The following SPTBN1 variants were observed in gnomAD, a reference collection of about 807,000 sequenced individuals.
The protein encoded by SPTBN1 is spectrin beta chain, non-erythrocytic 1.
Under a neutral mutation model 266.4 loss-of-function variants are expected in SPTBN1, and 32 were observed. The ratio of observed to expected loss-of-function variants is 0.12; its 90% CI spans 0.09 to 0.16. The LOEUF is 0.16. SPTBN1 is among the 10% of genes least tolerant of loss of function. The pLI is 1.00. For synonymous variants in SPTBN1, 1,336 were observed against 1,162.2 expected (o/e 1.15, Z -3.04); for missense variants, 2,296 against 3,067.1 (o/e 0.75, Z 5.94).
intron 34 of SPTBN1, among the ~76,000 whole-genome samples, chr2:54,666,549 G>C (rs1681381043): frequency 6.6e-6 from 1 of 152,184 alleles, no homozygotes; most frequent in Non-Finnish European, 1.5e-5. Context: ...GGTGGGGCCT[G>C]GGACCCTGTC....
At chr2:54,525,667 A>G (rs1670762514) in intron 1 of SPTBN1, among the ~76,000 whole-genome samples, 1 of 152,294 alleles carries the variant, frequency 6.6e-6, no homozygotes, top group African/African-American at 2.4e-5. Flanking sequence ...ATGGTGATAC[A>G]CAATGGGAAT....
intron 1 of SPTBN1, among the ~76,000 whole-genome samples, chr2:54,515,164 C>G (rs1670050659): frequency 6.6e-6 from 1 of 152,148 alleles, no homozygotes; most frequent in Non-Finnish European, 1.5e-5. Flanking sequence ...CCACCCAGGA[C>G]TGACTCAATG....
At chr2:54,494,701 A>AGATC (rs1159356076) in intron 1 of SPTBN1, among the ~76,000 whole-genome samples, 2 of 152,218 alleles carry the variant, frequency 1.3e-5, no homozygotes, top group Non-Finnish European at 2.9e-5. Context: ...GACAGAAAGC[A>AGATC]GATCCATGGT....
chr2:54,662,024 G>A (rs147639441), intron 32 of SPTBN1: 329 of 985,348 alleles, frequency 3.3e-4, no homozygotes, highest in East Asian at 1.1e-3. Flanking sequence ...GCATTGCTTC[G>A]TGCACTTTGA....
At chr2:54,543,944 C>T (rs1416539757) in intron 2 of SPTBN1, among the ~76,000 whole-genome samples, 2 of 152,072 alleles carry the variant, frequency 1.3e-5, no homozygotes, top group African/African-American at 4.8e-5. Flanking sequence ...GGTTATTTAG[C>T]TTTAGTGCTC....
intron 1 of SPTBN1, among the ~76,000 whole-genome samples, chr2:54,457,507 G>A (rs1693119871): frequency 6.6e-6 from 1 of 152,226 alleles, no homozygotes. Flanking sequence ...GACAGGGTGC[G>A]TGTGGGGGTG....
intron 1 of SPTBN1, among the ~76,000 whole-genome samples, chr2:54,484,616 A>G (rs2103959690): frequency 6.6e-6 from 1 of 152,308 alleles, no homozygotes; most frequent in Non-Finnish European, 1.5e-5. Flanking sequence ...CCATCCTGGT[A>G]ACTCTTCAGG....
rs112057257 is a variant in SPTBN1, at chr2:54,549,974, G to A, written c.148+23408G>A. ...TTTGCCCATGCCATCTCAGTAGCCT[G>A]AGCATGGGAATGCCATCCTGGTCAT... On this transcript the variant is annotated intron_variant, in intron 2 of 35. Transcript: ENST00000356805. 1.2e-3 allele frequency among the ~76,000 whole-genome samples: 186 copies of A among 152,290 alleles called. 2 individuals carry two copies. The highest frequency in any genetic ancestry group is 3.9e-3 in the African/African-American group (161 of 41,548).
At chr2:54,550,902 C>T (rs1428525379) in intron 2 of SPTBN1, among the ~76,000 whole-genome samples, 3 of 152,172 alleles carry the variant, frequency 2.0e-5, no homozygotes, top group Non-Finnish European at 4.4e-5. Context: ...TTGACTTGGG[C>T]TCTCTGTAGG....
intron 2 of SPTBN1, among the ~76,000 whole-genome samples, chr2:54,588,073 T>C (rs1486059390): frequency 2.0e-5 from 3 of 152,208 alleles, no homozygotes; most frequent in African/African-American, 7.2e-5. Flanking sequence ...AACAGTATTA[T>C]TATATTGAAA....
chr2:54,651,261 T>G (rs1057398049), intron 26 of SPTBN1, among the ~76,000 whole-genome samples: 2 of 152,208 alleles, frequency 1.3e-5, no homozygotes, highest in Non-Finnish European at 2.9e-5. Flanking sequence ...ATTAAATCCC[T>G]TCACCTCATT....
intron 24 of SPTBN1, among the ~76,000 whole-genome samples, chr2:54,647,720 A>G (rs934493323): frequency 2.0e-5 from 3 of 152,186 alleles, no homozygotes; most frequent in Non-Finnish European, 4.4e-5. Flanking sequence ...ACACGTCTGT[A>G]CTACTCAGCT....
At chr2:54,612,080 C>T in intron 3 of SPTBN1, 81 bp from the exon 4 acceptor site, 5 of 1,347,784 alleles carry the variant, frequency 3.7e-6, no homozygotes, top group Non-Finnish European at 5.1e-6. Context: ...CATGAATGGG[C>T]ACATGTGACT....
At chr2:54,486,591 A>C (rs147202248) in intron 1 of SPTBN1, among the ~76,000 whole-genome samples, 2,133 of 152,282 alleles carry the variant, frequency 0.014, 53 homozygotes, top group African/African-American at 0.049. Flanking sequence ...TGTGGAAGGC[A>C]GCAGGGTCCT....
intron 1 of SPTBN1, among the ~76,000 whole-genome samples, chr2:54,488,789 A>T (rs1668540839): frequency 6.6e-6 from 1 of 152,006 alleles, no homozygotes; most frequent in South Asian, 2.1e-4. Flanking sequence ...TCTGTGAATT[A>T]TTTTTTGACT....
At position 54,653,945 on chromosome 2, in the gene SPTBN1, T is replaced by A. The variant is rs1311866336; in HGVS notation, c.5822+92T>A. 6 of 1,542,568 alleles carry A rather than the reference T, an allele frequency of 3.9e-6. No individual in the cohort carries two copies. The East Asian group carries it at 1.4e-4, about 35-fold the overall frequency. ...AGAGAAGCAGGAGCCTTGAAAGCGT[T>A]CCTGCCTGAGCGCTTCAAGGCCAGA... is the stretch of plus-strand genomic sequence containing the variant. On this transcript the variant is annotated intron_variant, in intron 27 of 35. Transcript: ENST00000356805. This position sits in a 1 kb window ranked among gnomAD's most constrained non-coding sequence, Gnocchi z 5.1.
intron 1 of SPTBN1, among the ~76,000 whole-genome samples, chr2:54,506,895 T>TC (rs1553436439): frequency 3.9e-3 from 2 of 516 alleles, no homozygotes; most frequent in South Asian, 0.056. Context: ...GTTCTCTCTC[T>TC]TTTTTTTTTT....
intron 1 of SPTBN1, among the ~76,000 whole-genome samples, chr2:54,513,263 G>A (rs543283595): frequency 5.9e-5 from 9 of 152,252 alleles, no homozygotes; most frequent in African/African-American, 1.9e-4. Flanking sequence ...GTGGGGGGAG[G>A]TATATGTGTC....
intron 1 of SPTBN1, among the ~76,000 whole-genome samples, chr2:54,482,357 G>GAAAAA (rs66491029): frequency 7.0e-6 from 1 of 143,330 alleles, no homozygotes; most frequent in Admixed American, 7.0e-5. Context: ...TCTACAGCAG[G>GAAAAA]AAAAAAAAAA....
Sources: gnomAD v4.1 joint callset for allele counts (sites outside exome capture counted in the v4.1 genomes callset) on GRCh38, gnomAD v4.1.1 for gene constraint, Gnocchi (gnomAD v3.1) non-coding constraint, MANE v1.5 for transcripts, NCBI Gene and HGNC (gene_info 2026-07-23, HGNC 2026-07-21) for gene names.